GALNT17: variants seen among roughly 807,000 people sequenced by gnomAD.
GALNT17 encodes the protein polypeptide N-acetylgalactosaminyltransferase 17.
In GALNT17, 29 loss-of-function variants were observed where a neutral mutation model predicts 63.7. The ratio of observed to expected loss-of-function variants is 0.46; its 90% CI spans 0.34 to 0.62. The LOEUF is 0.62. Ranked by LOEUF, GALNT17 falls within the 20% of genes least tolerant of loss-of-function variation. The pLI, the probability that GALNT17 is intolerant of heterozygous loss-of-function variation, is 0.01. For missense variants in GALNT17, 603 were observed against 799.6 expected (o/e 0.75, Z 2.97); for synonymous variants, 305 against 318.3 (o/e 0.96, Z 0.45).
chr7:71,416,854 G>A lies in GALNT17; in HGVS notation c.764+791G>A, dbSNP rs558878697. Among the ~76,000 whole-genome samples the A allele has an allele frequency of 6.6e-5, 10 of 152,262 alleles. No homozygotes were observed. In the South Asian group the frequency reaches 1.0e-3, roughly 16 times the overall value. ...CACATCATTCGGAGGAAGGTGAAGC[G>A]CATTTTCTGCAGATAGGCCCTGATA... On this transcript the variant is annotated intron_variant, in intron 4 of 10. Transcript: ENST00000333538.
chr7:71,368,754 G>A (rs1792560916), intron 2 of GALNT17, among the ~76,000 whole-genome samples: 3 of 152,092 alleles, frequency 2.0e-5, no homozygotes, highest in Non-Finnish European at 4.4e-5. Context: ...TCACAGTTAA[G>A]CTAATGTTTC....
chr7:71,667,971 G>A (rs547915083), intron 7 of GALNT17, among the ~76,000 whole-genome samples: 80 of 152,050 alleles, frequency 5.3e-4, no homozygotes, highest in African/African-American at 1.8e-3. Flanking sequence ...TCTAACTTCC[G>A]TATTTTTTGT....
intron 6 of GALNT17, among the ~76,000 whole-genome samples, chr7:71,581,063 A>G (rs1584067182): frequency 6.6e-6 from 1 of 152,218 alleles, no homozygotes; most frequent in Admixed American, 6.5e-5. Flanking sequence ...CAGGAAACGT[A>G]CAATCATGGT....
intron 6 of GALNT17, among the ~76,000 whole-genome samples, chr7:71,603,059 G>A (rs1464166128): frequency 1.3e-5 from 2 of 151,552 alleles, no homozygotes; most frequent in Admixed American, 1.3e-4. Flanking sequence ...TGCATACACT[G>A]GATACTATGC....
intron 2 of GALNT17, among the ~76,000 whole-genome samples, chr7:71,388,005 C>T (rs1382653440): frequency 6.6e-6 from 1 of 152,124 alleles, no homozygotes; most frequent in Non-Finnish European, 1.5e-5. Flanking sequence ...CATTCTAACT[C>T]ACCACCTGTA....
intron 1 of GALNT17, among the ~76,000 whole-genome samples, chr7:71,195,632 C>T (rs1425374777): frequency 2.0e-5 from 3 of 151,894 alleles, no homozygotes; most frequent in South Asian, 2.1e-4. Context: ...ACTGCACCCT[C>T]GGACTCCTGG....
At chr7:71,234,121 C>T (rs1208999627) in intron 1 of GALNT17, among the ~76,000 whole-genome samples, 1 of 152,156 alleles carries the variant, frequency 6.6e-6, no homozygotes. Context: ...CATCCAAACC[C>T]AAACCATATC....
At chr7:71,455,415 G>A (rs372317282) in intron 5 of GALNT17, among the ~76,000 whole-genome samples, 6 of 152,238 alleles carry the variant, frequency 3.9e-5, no homozygotes, top group African/African-American at 1.4e-4. Context: ...CTCTTTGCCA[G>A]GTGGGGTCCA....
chr7:71,302,851 G>A (rs1043167919), intron 1 of GALNT17, among the ~76,000 whole-genome samples: 22 of 152,080 alleles, frequency 1.4e-4, no homozygotes, highest in East Asian at 5.8e-4. Context: ...TGGATTAGGC[G>A]AGTCATATAT....
At chr7:71,478,679 A>C (rs1275405977) in intron 5 of GALNT17, among the ~76,000 whole-genome samples, 1 of 152,086 alleles carries the variant, frequency 6.6e-6, no homozygotes, top group Non-Finnish European at 1.5e-5. Flanking sequence ...TAGCTAGACC[A>C]TGTCCTGGGA....
chr7:71,486,804 A>G (rs1787917603), intron 5 of GALNT17, among the ~76,000 whole-genome samples: 1 of 151,340 alleles, frequency 6.6e-6, no homozygotes, highest in Non-Finnish European at 1.5e-5. Context: ...TCGAGGCTGC[A>G]GTGAGCTGTA....
At chr7:71,216,061 T>TAAC in intron 1 of GALNT17, among the ~76,000 whole-genome samples, 1 of 143,652 alleles carries the variant, frequency 7.0e-6, no homozygotes, top group South Asian at 2.6e-4. Flanking sequence ...ATAATAATAA[T>TAAC]AATAAAAAAG....
At chr7:71,567,488 G>C (rs189292105) in intron 5 of GALNT17, among the ~76,000 whole-genome samples, 1 of 152,112 alleles carries the variant, frequency 6.6e-6, no homozygotes. Flanking sequence ...TGTTTGAGAC[G>C]GAGTCTCGCT....
At chr7:71,407,395 G>A (rs1793348031) in intron 3 of GALNT17, among the ~76,000 whole-genome samples, 1 of 152,128 alleles carries the variant, frequency 6.6e-6, no homozygotes, top group Non-Finnish European at 1.5e-5. Context: ...ATGGGGGTTG[G>A]AAGAACCCCC....
At chr7:71,501,947 G>A (rs997923007) in intron 5 of GALNT17, among the ~76,000 whole-genome samples, 2 of 151,830 alleles carry the variant, frequency 1.3e-5, no homozygotes, top group African/African-American at 4.8e-5. Flanking sequence ...CACTAGAGAA[G>A]CCCTGTCTCC....
chr7:71,695,359 A>G (rs181339468), intron 9 of GALNT17, among the ~76,000 whole-genome samples: 2 of 152,306 alleles, frequency 1.3e-5, no homozygotes, highest in East Asian at 1.9e-4. Flanking sequence ...TTCTGGAAAC[A>G]TAGTGCTTGA....
chr7:71,571,395 G>A lies in GALNT17; in HGVS notation c.1073G>A (p.Gly358Glu). Residue 358 changes from glycine (G) to glutamate (E), a missense_variant, in exon 6 of 11, where the codon GGA becomes GAA. By Grantham distance (98) the Gly-to-Glu change is moderately conservative (BLOSUM62 -2). Coordinates refer to ENST00000333538, the MANE Select transcript of GALNT17 (RefSeq NM_022479.3). ...DVYGGENIEL[G>E]IKVWLCGGSM... ...TACGGAGGAGAAAATATTGAACTGGGAATCAAGGTTTGTGACATGGTGTCC... is the reference window on the plus strand; with the variant it reads ...TACGGAGGAGAAAATATTGAACTGGAAATCAAGGTTTGTGACATGGTGTCC... 1 of 1,613,458 alleles carries A rather than the reference G, an allele frequency of 6.2e-7. No homozygotes were observed. Among genetic ancestry groups the A allele is most frequent in the Non-Finnish European group, 8.5e-7 (1 of 1,179,480 alleles).
chr7:71,527,929 A>G (rs1044933129), intron 5 of GALNT17, among the ~76,000 whole-genome samples: 2 of 152,196 alleles, frequency 1.3e-5, no homozygotes, highest in Admixed American at 1.3e-4. Flanking sequence ...CTTTGGAAAT[A>G]CAACTATTGC....
chr7:71,335,486 G>A, intron 1 of GALNT17, 64 bp from the exon 2 acceptor site: 2 of 1,425,126 alleles, frequency 1.4e-6, no homozygotes, highest in Non-Finnish European at 1.9e-6. Flanking sequence ...CTGCAGCGGA[G>A]ATTGAGTAAT....
Sources: allele counts gnomAD v4.1 joint callset (sites outside exome capture counted in the v4.1 genomes callset), GRCh38; gene constraint gnomAD v4.1.1; transcripts MANE v1.5; gene names NCBI Gene and HGNC (gene_info 2026-07-23, HGNC 2026-07-21).